The following BRDT variants were observed in gnomAD, a reference collection of about 807,000 sequenced individuals.
The protein encoded by BRDT is bromodomain testis associated, also known as bromodomain testis-specific protein.
In BRDT, 77 loss-of-function variants were observed where a neutral mutation model predicts 113.9. The ratio of observed to expected loss-of-function variants is 0.68; its 90% CI spans 0.56 to 0.82. The LOEUF is 0.82. Among genes scored for constraint, BRDT ranks in the 40% least tolerant of loss-of-function variants. The pLI is 0.00. For synonymous variants in BRDT, 358 were observed against 366.5 expected (o/e 0.98, Z 0.26); for missense variants, 1,027 against 1,105.4 (o/e 0.93, Z 1.01).
chr1:91,994,641 C>T (rs1185180649), intron 15 of BRDT, among the ~76,000 whole-genome samples: 3 of 151,402 alleles, frequency 2.0e-5, no homozygotes, highest in Admixed American at 6.6e-5. Flanking sequence ...CCGAGGCGGG[C>T]GGATCACGAG....
At chr1:91,973,041 G>A (rs1407500306) in intron 4 of BRDT, among the ~76,000 whole-genome samples, 1 of 152,164 alleles carries the variant, frequency 6.6e-6, no homozygotes, top group Non-Finnish European at 1.5e-5. Flanking sequence ...TGGTTGAGAA[G>A]GTGACATATG....
At chr1:91,971,891 T>C (rs1257354157) in intron 4 of BRDT, among the ~76,000 whole-genome samples, 1 of 152,194 alleles carries the variant, frequency 6.6e-6, no homozygotes, top group Non-Finnish European at 1.5e-5. Flanking sequence ...TCTCCCTTTT[T>C]TCTTGGATCA....
rs975171941 is a variant in BRDT at position 91,981,389 on chromosome 1, G to A, written c.1864+8G>A. On this transcript the variant is annotated splice_region_variant and intron_variant, in intron 11 of 18. Coordinates refer to ENST00000399546, the MANE Select transcript of BRDT (RefSeq NM_207189.4). ...GAAAACGTCAAACAAAATGTAGGTGGCAGTTTTTGTTTGTTTGTATGTATG... is the reference window on the plus strand; with the variant it reads ...GAAAACGTCAAACAAAATGTAGGTGACAGTTTTTGTTTGTTTGTATGTATG... 1.9e-6 allele frequency: 3 copies of A among 1,601,520 alleles called. No homozygotes were observed. In the African/African-American group the frequency reaches 4.0e-5, roughly 22 times the overall value.
chr1:91,964,567 G>T, intron 2 of BRDT, 60 bp from the exon 3 acceptor site: 1 of 1,066,866 alleles, frequency 9.4e-7, no homozygotes, highest in African/African-American at 1.6e-5. Context: ...ATTTCTTTGT[G>T]TATCAATAGT....
chr1:92,009,964 T>C (rs376645755), intron 18 of BRDT, among the ~76,000 whole-genome samples: 3 of 152,200 alleles, frequency 2.0e-5, no homozygotes, highest in African/African-American at 7.2e-5. Flanking sequence ...TTGTTCACTG[T>C]CTCATTGATT....
chr1:91,979,789 A>G, intron 8 of BRDT, 32 bp downstream of exon 8: 3 of 1,559,312 alleles, frequency 1.9e-6, no homozygotes, highest in Non-Finnish European at 1.7e-6. Flanking sequence ...AATTTTGATA[A>G]TCTATGAGCT....
intron 12 of BRDT, among the ~76,000 whole-genome samples, chr1:91,982,575 A>G (rs1318552468): frequency 6.6e-6 from 1 of 152,194 alleles, no homozygotes; most frequent in Non-Finnish European, 1.5e-5. Flanking sequence ...TTTTTAAAGA[A>G]ACATCTCACA....
intron 13 of BRDT, among the ~76,000 whole-genome samples, chr1:91,991,848 C>T (rs941922612): frequency 7.5e-5 from 5 of 66,994 alleles, no homozygotes; most frequent in Non-Finnish European, 1.7e-4. Context: ...AAAAATTAGC[C>T]GGGCATGGCG....
intron 2 of BRDT, 76 bp from the exon 3 acceptor site, chr1:91,964,551 C>A: frequency 2.2e-6 from 2 of 919,478 alleles, no homozygotes; most frequent in Non-Finnish European, 3.0e-6. Flanking sequence ...GTGTATAGTG[C>A]ATTAAATTTC....
At chr1:91,963,074 A>C (rs1249518257) in intron 2 of BRDT, 128 bp downstream of exon 2, 4 of 684,190 alleles carry the variant, frequency 5.8e-6, no homozygotes, top group Non-Finnish European at 8.8e-6. Context: ...CTATAATCCC[A>C]GCACTTTGGG....
In BRDT at chr1:91,980,797, A is replaced by G. The variant is rs1684645898; in HGVS notation, c.1442A>G (p.Lys481Arg). ...AAAATGTGTGAGCAAATGAGGCTAA[A>G]GGAAAAGTCCAAGAGAAAGTAAGTA... ...PRKMCEQMRL[K>R]EKSKRNQPKK... Residue 481 changes from lysine (K) to arginine (R), a missense_variant, in exon 9 of 19, where the codon AAG (lysine) becomes AGG (arginine). Coordinates refer to ENST00000399546, the MANE Select transcript of BRDT (RefSeq NM_207189.4). 2 of 1,598,004 alleles carry G rather than the reference A, an allele frequency of 1.3e-6. No homozygotes were observed. The highest frequency in any genetic ancestry group is 1.7e-6 in the Non-Finnish European group (2 of 1,176,458).
intron 2 of BRDT, among the ~76,000 whole-genome samples, chr1:91,963,328 T>TA (rs759633425): frequency 1.3e-5 from 2 of 152,022 alleles, no homozygotes; most frequent in Non-Finnish European, 2.9e-5. Context: ...AAATAAAAAA[T>TA]AAAAAAAATT....
intron 4 of BRDT, among the ~76,000 whole-genome samples, chr1:91,972,334 G>A (rs913897950): frequency 3.9e-5 from 6 of 152,152 alleles, no homozygotes. Flanking sequence ...CAGCTTTAGA[G>A]AGGGAGGCCT....
At position 91,977,522 on chromosome 1, in the gene BRDT, TGA is replaced by T. The variant is rs201290203; in HGVS notation, c.969+131_969+132del. On this transcript the variant is annotated intron_variant, in intron 6 of 18. Transcript: ENST00000399546. ...ATCATCCAAGTCACACTATCTGGAGTGAGTCTCTGGAAAATTTTAAAATATAT... is the reference window on the plus strand; with the variant it reads ...ATCATCCAAGTCACACTATCTGGAGTGTCTCTGGAAAATTTTAAAATATAT... The T allele has an allele frequency of 4.0e-3, 3,145 of 790,142 alleles. 14 individuals carry two copies. The highest frequency in any genetic ancestry group is 8.8e-3 in the Admixed American group (266 of 30,094). 48.9% of individuals were successfully genotyped at this position (790,142 alleles called of 1,614,324 possible).
At chr1:91,999,177 T>C (rs983054882) in intron 15 of BRDT, among the ~76,000 whole-genome samples, 6 of 151,936 alleles carry the variant, frequency 3.9e-5, no homozygotes, top group Non-Finnish European at 1.5e-5. Context: ...TTAAAAGAAA[T>C]TGCAAGAGTA....
At chr1:91,996,336 C>T (rs1416156740) in intron 15 of BRDT, among the ~76,000 whole-genome samples, 1 of 152,152 alleles carries the variant, frequency 6.6e-6, no homozygotes, top group Non-Finnish European at 1.5e-5. Flanking sequence ...GCAACCTCTG[C>T]CTCCCGGGTT....
chr1:91,951,706 G>A (rs1330288842), intron 1 of BRDT, among the ~76,000 whole-genome samples: 1 of 151,288 alleles, frequency 6.6e-6, no homozygotes, highest in Admixed American at 6.6e-5. Flanking sequence ...CTGGAGGGGC[G>A]GAGGTTGCAG....
chr1:91,958,123 G>A (rs557865658), intron 1 of BRDT, among the ~76,000 whole-genome samples: 99 of 152,054 alleles, frequency 6.5e-4, no homozygotes, highest in African/African-American at 2.2e-3. Context: ...GATTACAGGC[G>A]CGAGCCGCCA....
intron 4 of BRDT, among the ~76,000 whole-genome samples, chr1:91,973,780 T>C (rs1683850019): frequency 6.6e-6 from 1 of 152,184 alleles, no homozygotes. Context: ...TTCTTTCTCC[T>C]GCCTGATTGC....
Sources: allele counts gnomAD v4.1 joint callset (sites outside exome capture counted in the v4.1 genomes callset), GRCh38; gene constraint gnomAD v4.1.1; transcripts MANE v1.5; gene names NCBI Gene and HGNC (gene_info 2026-07-23, HGNC 2026-07-21).